Variants in TNS1 observed in about 807,000 individuals in gnomAD.
TNS1 encodes the protein tensin-1.
TNS1 carries 62 observed loss-of-function variants against 168.6 expected under a neutral mutation model. That is an observed-to-expected ratio of 0.37 (90% CI 0.30 to 0.45). The LOEUF (loss-of-function observed/expected upper bound fraction) is 0.45. TNS1 is among the 20% of genes least tolerant of loss of function. The probability of loss-of-function intolerance (pLI) is 1.00; values close to 1 mark genes in which losing one functional copy is unlikely to be tolerated. For synonymous variants in TNS1, 934 were observed against 933.2 expected (o/e 1.00, Z -0.02); for missense variants, 2,240 against 2,339.4 (o/e 0.96, Z 0.88).
chr2:217,835,046 G>C (rs761284494), intron 21 of TNS1, 45 bp downstream of exon 21: 1 of 1,516,084 alleles, frequency 6.6e-7, no homozygotes, highest in South Asian at 1.3e-5. Context: ...GAGCTGAGGG[G>C]CTGGAGGGTA....
In TNS1 at chr2:217,849,937, G is replaced by A. The variant is rs201945730; in HGVS notation, c.1430-850C>T. ...GACAAGCTTGCCCTCAGCTAGATTT[G>A]TCTCCAGCTCAATGCAAAGGATGTG... On this transcript the variant is annotated intron_variant, in intron 18 of 32. Coordinates refer to ENST00000682258, the MANE Select transcript of TNS1 (RefSeq NM_001387777.1). 41 of 985,402 alleles carry A rather than the reference G, an allele frequency of 4.2e-5. No homozygotes were observed. The African/African-American group carries it at 7.2e-4, about 17-fold the overall frequency. 61.0% of individuals were successfully genotyped at this position (985,402 alleles called of 1,614,324 possible). A position where few individuals can be genotyped will look rare whatever the true frequency, so the allele number is the denominator to read the frequency against.
intron 14 of TNS1, 23 bp from the exon 15 acceptor site, chr2:217,885,842 A>G (rs1951142789): frequency 6.2e-7 from 1 of 1,613,000 alleles, no homozygotes. Flanking sequence ...GGTGGGCAGA[A>G]AAAGAGTGGG....
At chr2:217,850,730 A>G in intron 18 of TNS1, 1 of 470,134 alleles carries the variant, frequency 2.1e-6, no homozygotes, top group African/African-American at 2.1e-5. Context: ...GCAGTCACAC[A>G]CCGAGCCAGA....
chr2:217,831,435 C>CGGGA lies in TNS1; in HGVS notation c.3373+19_3373+20insTCCC, dbSNP rs1215950123. 1 of 1,558,454 alleles carries CGGGA rather than the reference C, an allele frequency of 6.4e-7. No individual in the cohort carries two copies. Among genetic ancestry groups the CGGGA allele is most frequent in the Non-Finnish European group, 8.7e-7 (1 of 1,150,980 alleles). On this transcript the variant is annotated intron_variant, in intron 22 of 32. Transcript: ENST00000682258. ...TCCTCCCCCTGGCCCCCCTCCCCATCTTCCCTCTTCCCAACTCACCTCCTG... is the reference window on the plus strand; with the variant it reads ...TCCTCCCCCTGGCCCCCCTCCCCATCGGGATTCCCTCTTCCCAACTCACCTCCTG...
intron 3 of TNS1, among the ~76,000 whole-genome samples, chr2:217,927,043 T>C (rs939415296): frequency 6.6e-6 from 1 of 152,146 alleles, no homozygotes; most frequent in African/African-American, 2.4e-5. Flanking sequence ...TGCTTCTGTT[T>C]ATCCACTGTG....
chr2:217,913,111 A>G (rs867854638), intron 4 of TNS1, among the ~76,000 whole-genome samples: 2 of 152,184 alleles, frequency 1.3e-5, no homozygotes, highest in Non-Finnish European at 2.9e-5. Flanking sequence ...GAGAAAGAGC[A>G]CTGAGCAGAT....
intron 18 of TNS1, among the ~76,000 whole-genome samples, chr2:217,858,964 C>T (rs1158925577): frequency 7.0e-6 from 1 of 142,122 alleles, no homozygotes; most frequent in Non-Finnish European, 1.5e-5. Context: ...CCCAGCCCAG[C>T]CCCAGCCCCA....
Position 217,881,003 on chromosome 2 carries a change from G to A in TNS1, c.1324C>T (p.Leu442=). ...GPEKIQGMEH[L]ENGPSVSVDY... is the part of the protein sequence containing the mutation. ...ACAGACACGCTCGGCCCGTTCTCCA[G>A]GTGCTCCATGCCTAAGTGGGATGGG... is the stretch of plus-strand genomic sequence containing the variant. Residue 442 remains leucine, a synonymous_variant, in exon 18 of 33, where the codon CTG becomes TTG. Coordinates refer to ENST00000682258, the MANE Select transcript of TNS1 (RefSeq NM_001387777.1). 1 of 1,613,886 alleles carries A rather than the reference G, an allele frequency of 6.2e-7. No homozygotes were observed. Among genetic ancestry groups the A allele is most frequent in the Non-Finnish European group, 8.5e-7 (1 of 1,179,778 alleles).
rs567213399 is a variant in TNS1, at chr2:218,032,519, G to C, written c.156+1301C>G. ...TACGGCAGGGCCTGGGGCAGGAATG[G>C]GGGGTGTGTCTGCAGCAGGACTGGC... On this transcript the variant is annotated intron_variant, in intron 1 of 1. Transcript: ENST00000649572. The surrounding 1 kb of genome is among the most constrained non-coding windows in gnomAD (Gnocchi z 4.0). Among the ~76,000 whole-genome samples the C allele has an allele frequency of 3.0e-3, 457 of 152,318 alleles. 5 individuals are homozygous for C. Among genetic ancestry groups the C allele is most frequent in the Middle Eastern group, 0.014 (4 of 294 alleles).
At chr2:217,886,201 G>T in intron 13 of TNS1, 97 bp from the exon 14 acceptor site, 1 of 1,299,664 alleles carries the variant, frequency 7.7e-7, no homozygotes, top group South Asian at 1.3e-5. Context: ...AAGGAAGGAA[G>T]AAATGGGGGA....
At position 217,808,618 on chromosome 2, in the gene TNS1, T is replaced by C; in HGVS notation, c.5327A>G (p.Asp1776Gly). The change falls in exon 31 of 33, where the codon GAT becomes GGT. Residue 1776 changes from aspartate to glycine, a missense_variant. Asp to Gly is a moderately conservative substitution (Grantham distance 94, BLOSUM62 -1). Coordinates refer to ENST00000682258, the MANE Select transcript of TNS1 (RefSeq NM_001387777.1). ...AGAGACTTACTTTCTTTCCTGTGGA[T>C]CCAGGTCACAGAAGGTGACAGTGTT... ...PLNTVTFCDL[D>G]PQERKWMKTE... 1 of 1,614,092 alleles carries C rather than the reference T, an allele frequency of 6.2e-7. No individual in the cohort carries two copies. The highest frequency in any genetic ancestry group is 8.5e-7 in the Non-Finnish European group (1 of 1,179,984).
chr2:217,914,243 C>T (rs918947), intron 4 of TNS1, among the ~76,000 whole-genome samples: 84,928 of 151,530 alleles, frequency 0.56, 23,960 homozygotes, highest in East Asian at 0.63. Context: ...TGTGGTTCTC[C>T]CTCTCCCACT....
intron 9 of TNS1, 138 bp from the exon 10 acceptor site, chr2:217,893,699 C>A: frequency 7.8e-7 from 1 of 1,274,044 alleles, no homozygotes; most frequent in South Asian, 1.5e-5. Context: ...TGGTTCCTCC[C>A]TGCCCACTGG....
At chr2:217,837,610 C>T (rs545710044) in intron 19 of TNS1, among the ~76,000 whole-genome samples, 1 of 152,384 alleles carries the variant, frequency 6.6e-6, no homozygotes, top group Admixed American at 6.5e-5. Context: ...GAGTGGTGCC[C>T]TGAGTCTCCG....
At chr2:217,953,932 C>T (rs1001783114) in intron 3 of TNS1, among the ~76,000 whole-genome samples, 1 of 152,222 alleles carries the variant, frequency 6.6e-6, no homozygotes, top group African/African-American at 2.4e-5. Context: ...TGGGTTTCAG[C>T]TGTTTTCCAT....
chr2:217,865,446 A>G (rs1949185807), intron 18 of TNS1, among the ~76,000 whole-genome samples: 1 of 152,208 alleles, frequency 6.6e-6, no homozygotes. Flanking sequence ...GCAGACAGAG[A>G]GAGGAAGGCA....
intron 20 of TNS1, 125 bp from the exon 21 acceptor site, chr2:217,835,291 C>T: frequency 7.2e-6 from 6 of 833,990 alleles, no homozygotes; most frequent in Admixed American, 2.7e-5. Context: ...AGCCTGGCTC[C>T]TCACTGGTGC....
intron 4 of TNS1, among the ~76,000 whole-genome samples, chr2:217,914,096 T>C (rs920782353): frequency 3.3e-5 from 5 of 152,162 alleles, no homozygotes; most frequent in Admixed American, 3.3e-4. Context: ...TCTCTTCTAT[T>C]TGTTCCAGAC....
rs1038638493 is a variant in TNS1, at chr2:217,836,085, G to A, written c.3134C>T (p.Ser1045Phe). 1 of 1,613,928 alleles carries A rather than the reference G, an allele frequency of 6.2e-7. No homozygotes were observed. Residue 1045 changes from serine (S) to phenylalanine (F), a missense_variant, in exon 20 of 33, where the codon TCC becomes TTC. By Grantham distance (155) the Ser-to-Phe change is radical (BLOSUM62 -2). Transcript: ENST00000682258. Reference protein sequence around the residue: ...ATSPRSPGVRSPVQCVSPELA... With the variant: ...ATSPRSPGVRFPVQCVSPELA... ...CTCCGGGGAGACACACTGGACAGGGGAGCGAACCCCAGGGCTACGAGGGGA... is the reference window on the plus strand; with the variant it reads ...CTCCGGGGAGACACACTGGACAGGGAAGCGAACCCCAGGGCTACGAGGGGA...
Sources: allele counts gnomAD v4.1 joint callset (sites outside exome capture counted in the v4.1 genomes callset), GRCh38; gene constraint gnomAD v4.1.1; non-coding constraint Gnocchi (gnomAD v3.1); transcripts MANE v1.5; gene names NCBI Gene and HGNC (gene_info 2026-07-23, HGNC 2026-07-21).